Variants in CCDC57 observed in about 807,000 individuals in gnomAD.
CCDC57 encodes coiled-coil domain-containing protein 57.
A neutral mutation model predicts 118.9 loss-of-function variants in CCDC57; 118 were observed. The observed-to-expected ratio is 0.99, with a 90% confidence interval of 0.86 to 1.16. The LOEUF is 1.16. Ranked by LOEUF, CCDC57 falls within the 50% of genes most tolerant of loss-of-function variation. The pLI is 0.00. For synonymous variants in CCDC57, 527 were observed against 532.9 expected (o/e 0.99, Z 0.15); for missense variants, 1,300 against 1,320.7 (o/e 0.98, Z 0.24).
At chr17:82,157,977 G>GA in intron 14 of CCDC57, 29 bp from the exon 14 acceptor site, 2 of 1,541,440 alleles carry the variant, frequency 1.3e-6, no homozygotes, top group Non-Finnish European at 1.8e-6. Flanking sequence ...GCAGTGTGAG[G>GA]AATGAGGCAG....
intron 14 of CCDC57, among the ~76,000 whole-genome samples, chr17:82,162,485 C>T (rs766369880): frequency 3.3e-5 from 5 of 152,252 alleles, no homozygotes; most frequent in South Asian, 2.1e-4. Context: ...AAAAGAACAG[C>T]GCTTGCCGGG....
chr17:82,151,754 G>A, exon 16 of CCDC57: 1 of 1,550,184 alleles, frequency 6.5e-7, no homozygotes. Context: ...GGCCTCCATA[G>A]GCCCTCTCTT....
At chr17:82,199,790 G>A (rs2048777947) in intron 3 of CCDC57, among the ~76,000 whole-genome samples, 1 of 152,098 alleles carries the variant, frequency 6.6e-6, no homozygotes, top group Non-Finnish European at 1.5e-5. Flanking sequence ...CTCCACTCAG[G>A]GAGAAGCTGA....
At chr17:82,151,704 C>G (rs748476775) in exon 16 of CCDC57, 148 of 1,550,402 alleles carry the variant, frequency 9.5e-5, no homozygotes, top group Non-Finnish European at 1.2e-4. Flanking sequence ...GGGGCACGTG[C>G]CACTGACCGG....
chr17:82,183,608 C>T (rs919354409), intron 9 of CCDC57, among the ~76,000 whole-genome samples, 166 bp downstream of exon 8: 1 of 152,158 alleles, frequency 6.6e-6, no homozygotes, highest in Non-Finnish European at 1.5e-5. Flanking sequence ...TCTTCCCACA[C>T]CACCCCTGCG....
chr17:82,182,113 A>C (rs1327829906), intron 9 of CCDC57, among the ~76,000 whole-genome samples: 1 of 151,846 alleles, frequency 6.6e-6, no homozygotes, highest in Non-Finnish European at 1.5e-5. Context: ...GTGAGACTCC[A>C]TCTCAAAAAA....
rs1181530946 is a variant in CCDC57 at position 82,118,549 on chromosome 17, G to A, written c.2899+9143C>T. On this transcript the variant is annotated intron_variant, in intron 19 of 19. Transcript: ENST00000665763. This position sits in a 1 kb window ranked among gnomAD's most constrained non-coding sequence, Gnocchi z 4.7. ...CTGGTCCCTGTACCGGCTCCTGAAA[G>A]GACATTTGGGCACTTGATACACACC... Among the ~76,000 whole-genome samples the A allele has an allele frequency of 2.0e-5, 3 of 152,108 alleles. No individual in the cohort carries two copies. The highest frequency in any genetic ancestry group is 4.4e-5 in the Non-Finnish European group (3 of 68,022).
intron 19 of CCDC57, among the ~76,000 whole-genome samples, chr17:82,104,137 T>C (rs1197458516): frequency 2.0e-5 from 3 of 152,172 alleles, no homozygotes; most frequent in African/African-American, 2.4e-5. Context: ...ACCCAGTAAC[T>C]GGTGTGTAAA....
intron 15 of CCDC57, among the ~76,000 whole-genome samples, chr17:82,152,520 C>A (rs10163483): frequency 0.46 from 70,559 of 151,810 alleles, 17,158 homozygotes; most frequent in East Asian, 0.88. Context: ...TCACTCAGCC[C>A]AACCTGGACT....
At chr17:82,181,263 A>G (rs1271529604) in intron 9 of CCDC57, among the ~76,000 whole-genome samples, 1 of 152,240 alleles carries the variant, frequency 6.6e-6, no homozygotes, top group African/African-American at 2.4e-5. Flanking sequence ...AGCAGCCAGC[A>G]CGGGGCTCCA....
chr17:82,194,322 C>G (rs4789669), intron 5 of CCDC57, 183 bp from the exon 5 acceptor site: 1 of 410,838 alleles, frequency 2.4e-6, no homozygotes, highest in Non-Finnish European at 4.0e-6. Context: ...TTTTTTTTTT[C>G]TTTTTGGAGA....
rs903101880 is a variant in CCDC57, at chr17:82,192,146, C to A, written c.851+1610G>T. 6.6e-6 allele frequency among the ~76,000 whole-genome samples: 1 copy of A among 151,942 alleles called. No homozygotes were observed. Among genetic ancestry groups the A allele is most frequent in the South Asian group, 2.1e-4 (1 of 4,822 alleles). On this transcript the variant is annotated intron_variant, in intron 7 of 19. Coordinates refer to ENST00000665763, the Ensembl canonical transcript of CCDC57. The surrounding 1 kb of genome is among the most constrained non-coding windows in gnomAD (Gnocchi z 4.0). ...GATTACAGGCGTGCACCACCACGCC[C>A]GGCTAATTTTGTATTTTTCGTAGAG...
intron 16 of CCDC57, among the ~76,000 whole-genome samples, chr17:82,142,231 A>G (rs2040105042): frequency 6.6e-6 from 1 of 152,228 alleles, no homozygotes; most frequent in Admixed American, 6.5e-5. Flanking sequence ...AAACCTCAGT[A>G]AGGACACTGT....
chr17:82,119,091 TGGGGGC>T (rs1337125775), intron 19 of CCDC57, among the ~76,000 whole-genome samples: 3 of 10,854 alleles, frequency 2.8e-4, no homozygotes, highest in South Asian at 3.8e-3. Context: ...GGGCGGGAGG[TGGGGGC>T]GGGGGTGGGG....
chr17:82,198,218 C>T, intron 4 of CCDC57, 96 bp downstream of exon 3: 1 of 708,824 alleles, frequency 1.4e-6, no homozygotes, highest in Non-Finnish European at 2.4e-6. Flanking sequence ...AGGCAATGAA[C>T]CAAATGGTTG....
intron 15 of CCDC57, chr17:82,152,379 T>C (rs7503813): frequency 0.98 from 150,995 of 154,840 alleles, 73,740 homozygotes; most frequent in South Asian, 1. Context: ...CTGAAGCAGG[T>C]GCAGGGGGAG....
chr17:82,183,093 A>G (rs1329243774), intron 9 of CCDC57, among the ~76,000 whole-genome samples: 2 of 152,170 alleles, frequency 1.3e-5, no homozygotes, highest in Admixed American at 6.5e-5. Flanking sequence ...CCCTTGACAC[A>G]TGGGGATTAC....
rs189214575 is a variant in CCDC57 at position 82,110,261 on chromosome 17, T to C, written c.2900-8395A>G. Among the ~76,000 whole-genome samples, 190 of 152,214 alleles carry C rather than the reference T, an allele frequency of 1.2e-3. 1 individual carries two copies. The highest frequency in any genetic ancestry group is 1.4e-3 in the Non-Finnish European group (93 of 68,008). ...CTCCAAAATGCTGAGATTACAGGCG[T>C]GAGCTGCCATACCTGGCCAGAACTC... On this transcript the variant is annotated intron_variant, in intron 19 of 19. Coordinates refer to ENST00000665763, the Ensembl canonical transcript of CCDC57.
At chr17:82,159,757 C>T (rs1056882077) in intron 14 of CCDC57, among the ~76,000 whole-genome samples, 2 of 151,760 alleles carry the variant, frequency 1.3e-5, no homozygotes, top group Non-Finnish European at 2.9e-5. Flanking sequence ...CTGCAACCTC[C>T]GCCTCCCGGG....
Sources: allele counts gnomAD v4.1 joint callset (sites outside exome capture counted in the v4.1 genomes callset), GRCh38; gene constraint gnomAD v4.1.1; non-coding constraint Gnocchi (gnomAD v3.1); transcripts MANE v1.5; gene names NCBI Gene and HGNC (gene_info 2026-07-23, HGNC 2026-07-21).